DGKD: variants seen among roughly 807,000 people sequenced by gnomAD.
DGKD encodes the protein diacylglycerol kinase delta, also known as DAG kinase delta.
Under a neutral mutation model 154.4 loss-of-function variants are expected in DGKD, and 68 were observed. That is an observed-to-expected ratio of 0.44 (90% CI 0.36 to 0.54). The LOEUF (loss-of-function observed/expected upper bound fraction) is 0.54. Among genes scored for constraint, DGKD ranks in the 20% least tolerant of loss-of-function variants. The pLI is 0.00. For synonymous variants in DGKD, 693 were observed against 638.0 expected, an observed-to-expected ratio of 1.09 and a Z score of -1.30; for missense variants, 1,343 against 1,593.6, an observed-to-expected ratio of 0.84 and a Z score of 2.68.
In DGKD at chr2:233,460,490, G is replaced by A; in HGVS notation, c.2981+145G>A. ...CCATGAGGGCCGAGCCTGTTTATGT[G>A]CCCTCAGCTCTGGCTCATTTCCCCA... On this transcript the variant is annotated intron_variant, in intron 24 of 29. Coordinates refer to ENST00000264057, the MANE Select transcript of DGKD (RefSeq NM_152879.3). 4 of 1,090,540 alleles carry A rather than the reference G, an allele frequency of 3.7e-6. No homozygotes were observed. The South Asian group carries it at 5.1e-5, about 14-fold the overall frequency. 67.6% of individuals were successfully genotyped at this position (1,090,540 alleles called of 1,614,324 possible).
chr2:233,462,315 C>G (rs769234238), intron 24 of DGKD, 33 bp from the exon 25 acceptor site: 1 of 1,560,020 alleles, frequency 6.4e-7, no homozygotes, highest in East Asian at 2.3e-5. Flanking sequence ...TCCATTTGGC[C>G]TGACATCTGC....
chr2:233,389,591 C>T (rs57073776), intron 2 of DGKD, among the ~76,000 whole-genome samples: 69 of 149,634 alleles, frequency 4.6e-4, no homozygotes, highest in African/African-American at 1.5e-3. Flanking sequence ...AAAAAAAACA[C>T]GACAAAATAA....
At chr2:233,399,058 A>G (rs1220819106) in intron 3 of DGKD, among the ~76,000 whole-genome samples, 1 of 152,206 alleles carries the variant, frequency 6.6e-6, no homozygotes, top group Non-Finnish European at 1.5e-5. Context: ...TTCTCTTTTG[A>G]TGAAGGATTA....
chr2:233,423,800 C>T (rs2062199733), intron 3 of DGKD, among the ~76,000 whole-genome samples: 1 of 152,076 alleles, frequency 6.6e-6, no homozygotes, highest in East Asian at 1.9e-4. Flanking sequence ...TTTGTTGGGG[C>T]TTTCCACCCA....
intron 3 of DGKD, among the ~76,000 whole-genome samples, chr2:233,396,715 G>A (rs1030009481): frequency 2.0e-5 from 3 of 152,164 alleles, no homozygotes; most frequent in Non-Finnish European, 2.9e-5. Flanking sequence ...GAGGGTATGT[G>A]TGTCTGTGTG....
intron 1 of DGKD, among the ~76,000 whole-genome samples, chr2:233,372,549 A>G (rs1018607430): frequency 1.3e-5 from 2 of 152,228 alleles, no homozygotes; most frequent in African/African-American, 4.8e-5. Flanking sequence ...GTGTGCTTCA[A>G]GAGGGCAAGT....
At chr2:233,378,139 T>A (rs1411180457) in intron 1 of DGKD, among the ~76,000 whole-genome samples, 1 of 145,714 alleles carries the variant, frequency 6.9e-6, no homozygotes, top group African/African-American at 2.5e-5. Context: ...TGAGGCCGGG[T>A]GTGGTGGCTC....
In DGKD at chr2:233,437,469, C is replaced by T. The variant is rs757295350; in HGVS notation, c.912C>T (p.Ile304=). The T allele has an allele frequency of 2.0e-5, 33 of 1,614,000 alleles. No individual in the cohort carries two copies. The highest frequency in any genetic ancestry group is 1.4e-4 in the South Asian group (13 of 91,038). ...TCCCACCCACGGCTCTCAACAGCAT[C>T]GACTCCGATGGTGGGTACCACACAT... ...SVIPPTALNS[I]DSDGFWKASC... is the part of the protein sequence containing the mutation. Residue 304 remains isoleucine, a synonymous_variant, in exon 8 of 30, where the codon ATC becomes ATT. Transcript: ENST00000264057.
intron 26 of DGKD, chr2:233,463,769 C>T: frequency 4.1e-6 from 1 of 243,026 alleles, no homozygotes; most frequent in Non-Finnish European, 8.3e-6. Flanking sequence ...GTCCCACGTC[C>T]CGTGGTCACA....
chr2:233,390,932 C>T (rs2125446021), intron 3 of DGKD, among the ~76,000 whole-genome samples: 1 of 152,294 alleles, frequency 6.6e-6, no homozygotes, highest in South Asian at 2.1e-4. Context: ...AGGGTTTCTC[C>T]GTGTTGGTCA....
intron 3 of DGKD, among the ~76,000 whole-genome samples, chr2:233,417,197 T>C (rs895457221): frequency 2.6e-5 from 4 of 152,144 alleles, no homozygotes; most frequent in Non-Finnish European, 4.4e-5. Flanking sequence ...CACGCCTGGC[T>C]AATTTTTGTA....
intron 1 of DGKD, among the ~76,000 whole-genome samples, chr2:233,378,134 C>G (rs1363299876): frequency 2.7e-5 from 4 of 150,836 alleles, no homozygotes; most frequent in South Asian, 2.1e-4. Flanking sequence ...AAATTTGAGG[C>G]CGGGTGTGGT....
chr2:233,367,841 T>C (rs373251159), intron 1 of DGKD, among the ~76,000 whole-genome samples: 2 of 120,346 alleles, frequency 1.7e-5, no homozygotes, highest in Admixed American at 8.8e-5. Flanking sequence ...TTTCTTCCTC[T>C]TTTTTTTTTC....
At chr2:233,384,799 AGT>A (rs1703085927) in intron 1 of DGKD, among the ~76,000 whole-genome samples, 1 of 151,510 alleles carries the variant, frequency 6.6e-6, no homozygotes, top group African/African-American at 2.4e-5. Flanking sequence ...AGCTTTCCAG[AGT>A]GTATTTCTGA....
intron 1 of DGKD, among the ~76,000 whole-genome samples, chr2:233,382,983 CT>C (rs944999593): frequency 2.0e-5 from 3 of 151,762 alleles, no homozygotes; most frequent in Non-Finnish European, 1.5e-5. Context: ...TACCTATTTT[CT>C]CTTTGGTGGT....
chr2:233,355,571 G>A (rs1381514089), intron 1 of DGKD, among the ~76,000 whole-genome samples: 1 of 152,154 alleles, frequency 6.6e-6, no homozygotes, highest in East Asian at 1.9e-4. Flanking sequence ...ATTAGGTTCA[G>A]CCGTTCCCTT....
At chr2:233,396,026 A>C (rs1704002267) in intron 3 of DGKD, among the ~76,000 whole-genome samples, 1 of 152,264 alleles carries the variant, frequency 6.6e-6, no homozygotes, top group South Asian at 2.1e-4. Context: ...ACATGGAAGA[A>C]AAATAATGCA....
intron 1 of DGKD, among the ~76,000 whole-genome samples, chr2:233,360,888 T>A (rs974927704): frequency 6.6e-6 from 1 of 151,802 alleles, no homozygotes; most frequent in African/African-American, 2.4e-5. Flanking sequence ...CTGGAAGAGA[T>A]AACAGATGGA....
intron 23 of DGKD, 57 bp from the exon 24 acceptor site, chr2:233,460,137 T>C: frequency 1.9e-6 from 3 of 1,595,486 alleles, no homozygotes; most frequent in Non-Finnish European, 2.6e-6. Flanking sequence ...ATAGTGTCTG[T>C]CGCAGTCAGA....
Sources: allele counts gnomAD v4.1 joint callset (sites outside exome capture counted in the v4.1 genomes callset), GRCh38; gene constraint gnomAD v4.1.1; transcripts MANE v1.5; gene names NCBI Gene and HGNC (gene_info 2026-07-23, HGNC 2026-07-21).